Variants in ITGB8 observed in about 807,000 individuals in gnomAD.
ITGB8 encodes the protein integrin beta-8.
ITGB8 carries 30 observed loss-of-function variants against 89.5 expected under a neutral mutation model. The observed-to-expected ratio is 0.34, with a 90% CI of 0.25 to 0.45. The LOEUF (loss-of-function observed/expected upper bound fraction) is 0.45. ITGB8 is among the 20% of genes least tolerant of loss of function. The pLI, the probability that ITGB8 is intolerant of heterozygous loss-of-function variation, is 1.00. For synonymous variants in ITGB8, 335 were observed against 320.4 expected, an observed-to-expected ratio of 1.05 and a Z score of -0.49; for missense variants, 836 against 933.3, an observed-to-expected ratio of 0.90 and a Z score of 1.36.
At chr7:20,409,583 T>A in intron 12 of ITGB8, 32 bp from the exon 13 acceptor site, 1 of 1,495,528 alleles carries the variant, frequency 6.7e-7, no homozygotes, top group South Asian at 1.2e-5. Flanking sequence ...TATTCCAATT[T>A]TTAATCCATT....
intron 3 of ITGB8, among the ~76,000 whole-genome samples, chr7:20,368,974 A>C (rs540461649): frequency 6.6e-6 from 1 of 152,316 alleles, no homozygotes; most frequent in East Asian, 1.9e-4. Flanking sequence ...ATCTTAATCC[A>C]GGCCATCGCC....
chr7:20,341,328 A>T (rs1199757331), intron 1 of ITGB8, among the ~76,000 whole-genome samples: 1 of 152,232 alleles, frequency 6.6e-6, no homozygotes, highest in East Asian at 1.9e-4. Flanking sequence ...GAGAAAAAAA[A>T]GAAACATTCA....
chr7:20,355,719 T>C lies in ITGB8; in HGVS notation c.128-7918T>C, dbSNP rs140675446. The stretch of plus-strand genomic sequence containing the variant: ...TTGTTTGCTACAAGTTTGAAACAAA[T>C]TAAACACTGTGCTGTAGGCAAAGGA... On this transcript the variant is annotated intron_variant, in intron 1 of 13. Coordinates refer to ENST00000222573, the MANE Select transcript of ITGB8 (RefSeq NM_002214.3). Among the ~76,000 whole-genome samples, 19 of 152,322 alleles carry C rather than the reference T, an allele frequency of 1.2e-4. No homozygotes were observed. In the East Asian group the frequency reaches 2.7e-3, roughly 22 times the overall value.
Position 20,412,864 on chromosome 7 carries a change from G to A in ITGB8, c.*2867G>A, listed in dbSNP as rs957317029. On this transcript the variant is annotated 3_prime_UTR_variant, in exon 14 of 14. Transcript: ENST00000222573. Reference sequence around the variant, plus strand: ...AGGTTAAATAATGTATGCAAATAGAGTCTATTTTCAACTAATATGGCCACA... The same window carrying A: ...AGGTTAAATAATGTATGCAAATAGAATCTATTTTCAACTAATATGGCCACA... The A allele has an allele frequency of 2.0e-5, 3 of 152,566 alleles. No homozygotes were observed. Among genetic ancestry groups the A allele is most frequent in the Non-Finnish European group, 4.4e-5 (3 of 68,004 alleles). The allele number at this position is 152,566 out of a possible 1,614,324, so 9.5% of individuals were successfully genotyped here. A position where few individuals can be genotyped will look rare whatever the true frequency, so the allele number is the denominator to read the frequency against.
At position 20,412,336 on chromosome 7, in the gene ITGB8, C is replaced by G. The variant is rs938380206; in HGVS notation, c.*2339C>G. 6.6e-6 allele frequency: 1 copy of G among 152,466 alleles called. No individual in the cohort carries two copies. Among genetic ancestry groups the G allele is most frequent in the African/African-American group, 2.4e-5 (1 of 41,416 alleles). 9.4% of individuals were successfully genotyped at this position (152,466 alleles called of 1,614,324 possible). The stretch of plus-strand genomic sequence containing the variant: ...TAATGTAAAAATTGGGTTTAGTAGC[C>G]TAATACACATAACGTTCTTCTTAAA... On this transcript the variant is annotated 3_prime_UTR_variant, in exon 14 of 14. Transcript: ENST00000222573.
chr7:20,342,027 A>G (rs3807930), intron 1 of ITGB8, among the ~76,000 whole-genome samples: 79,464 of 151,722 alleles, frequency 0.52, 21,522 homozygotes, highest in South Asian at 0.7. Context: ...CCCAGGTGGT[A>G]TGTGATATTT....
intron 4 of ITGB8, chr7:20,380,338 T>C (rs1177795423): frequency 2.0e-5 from 4 of 198,562 alleles, no homozygotes; most frequent in Admixed American, 6.2e-5. Flanking sequence ...TGATAAGAAA[T>C]CACTGCACAT....
chr7:20,344,976 C>T (rs1219592178), intron 1 of ITGB8, among the ~76,000 whole-genome samples: 2 of 152,094 alleles, frequency 1.3e-5, no homozygotes, highest in Admixed American at 1.3e-4. Flanking sequence ...AGACATTTGA[C>T]AAATTAAAGA....
intron 7 of ITGB8, among the ~76,000 whole-genome samples, chr7:20,393,030 T>G (rs1213115841): frequency 6.6e-6 from 1 of 152,220 alleles, no homozygotes; most frequent in African/African-American, 2.4e-5. Flanking sequence ...ATGAGGACAG[T>G]CATCTTAATA....
chr7:20,399,171 C>A, intron 9 of ITGB8, 177 bp downstream of exon 9: 1 of 605,312 alleles, frequency 1.7e-6, no homozygotes, highest in Non-Finnish European at 2.8e-6. Flanking sequence ...TTTAGCTCAG[C>A]TGATTGTTCT....
chr7:20,379,177 A>T lies in ITGB8; in HGVS notation c.515A>T (p.Asp172Val). 1 of 1,612,518 alleles carries T rather than the reference A, an allele frequency of 6.2e-7. No homozygotes were observed. The change falls in exon 4 of 14, where the codon GAT (aspartate) becomes GTT (valine). Residue 172 changes from aspartate (D) to valine (V), a missense_variant. Asp to Val is a radical substitution (Grantham distance 152). Transcript: ENST00000222573. Reference sequence around the variant, plus strand: ...GAAAAATTAAATTCCGTTGGAAACGATTTATCTAGAAAAATGGCATTTTTC... The same window carrying T: ...GAAAAATTAAATTCCGTTGGAAACGTTTTATCTAGAAAAATGGCATTTTTC... Reference protein sequence around the residue: ...NIEKLNSVGNDLSRKMAFFSR... With the variant: ...NIEKLNSVGNVLSRKMAFFSR...
At chr7:20,344,296 T>G (rs1583470267) in intron 1 of ITGB8, among the ~76,000 whole-genome samples, 1 of 36,296 alleles carries the variant, frequency 2.8e-5, no homozygotes, top group Admixed American at 4.0e-4. Context: ...ATTTTTCTCA[T>G]TTTTTTAGGA....
At chr7:20,352,224 G>C (rs1785137864) in intron 1 of ITGB8, 1 of 152,210 alleles carries the variant, frequency 6.6e-6, no homozygotes, top group African/African-American at 2.4e-5. Flanking sequence ...CAAGTTCTAA[G>C]TCTAATGTAG....
intron 1 of ITGB8, among the ~76,000 whole-genome samples, chr7:20,336,095 T>A (rs1784568543): frequency 7.4e-6 from 1 of 135,320 alleles, no homozygotes; most frequent in South Asian, 2.5e-4. Context: ...AAGCTTCGCC[T>A]CCTGGGTTCA....
rs773219112 is a variant in ITGB8, at chr7:20,331,797, G to C, written c.-10G>C. The stretch of plus-strand genomic sequence containing the variant: ...TCAGGCGGCGGGCGCGGGGCGGGCT[G>C]TTTTGCATTATGTGCGGCTCGGCCC... On this transcript the variant is annotated 5_prime_UTR_variant, in exon 1 of 14. Transcript: ENST00000222573. 6.2e-7 allele frequency: 1 copy of C among 1,611,748 alleles called. No homozygotes were observed. Among genetic ancestry groups the C allele is most frequent in the Non-Finnish European group, 8.5e-7 (1 of 1,179,676 alleles).
At chr7:20,350,059 T>C (rs900142885) in intron 1 of ITGB8, among the ~76,000 whole-genome samples, 1 of 152,338 alleles carries the variant, frequency 6.6e-6, no homozygotes, top group South Asian at 2.1e-4. Context: ...GTCTGCATTA[T>C]TGGTAACTGT....
intron 9 of ITGB8, among the ~76,000 whole-genome samples, chr7:20,400,528 CA>C (rs754386679): frequency 2.6e-5 from 4 of 152,034 alleles, no homozygotes; most frequent in Non-Finnish European, 4.4e-5. Context: ...ATATTCCAAC[CA>C]AAAAGCTCAG....
Position 20,331,576 on chromosome 7 carries a change from C to G in ITGB8, c.-231C>G, listed in dbSNP as rs1371460420. 6.4e-6 allele frequency: 3 copies of G among 467,098 alleles called. No individual in the cohort carries two copies. The highest frequency in any genetic ancestry group is 4.1e-5 in the African/African-American group (2 of 49,156). The allele number at this position is 467,098 out of a possible 1,614,324, so 28.9% of individuals were successfully genotyped here. A position where few individuals can be genotyped will look rare whatever the true frequency, so the allele number is the denominator to read the frequency against. ...CGAAGGAGGTGCTTCTCGCGGAGAC[C>G]GCGGGACCCGCCGTGCCGAGCCGGG... On this transcript the variant is annotated 5_prime_UTR_variant, in exon 1 of 14. Transcript: ENST00000222573.
In ITGB8 at chr7:20,381,875, C is replaced by T; in HGVS notation, c.950C>T (p.Ser317Leu). Residue 317 changes from serine to leucine, a missense_variant, in exon 6 of 14, where the codon TCG (serine) becomes TTG (leucine). This residue lies in a region of ITGB8 where 192 missense variants were observed against 267.1 expected (regional missense o/e 0.72). Coordinates refer to ENST00000222573, the MANE Select transcript of ITGB8 (RefSeq NM_002214.3). ...CHLKNNVYVK[S>L]TTMEHPSLGQ... is the part of the protein sequence containing the mutation. The stretch of plus-strand genomic sequence containing the variant: ...CTGAAAAACAACGTCTATGTCAAAT[C>T]GACAACCATGGTAATGCAGCAGTAA... 1 of 1,611,456 alleles carries T rather than the reference C, an allele frequency of 6.2e-7. No homozygotes were observed.
Sources: gnomAD v4.1 joint callset for allele counts (sites outside exome capture counted in the v4.1 genomes callset) on GRCh38, gnomAD v4.1.1 for gene constraint, gnomAD v4.1.1 regional missense constraint, MANE v1.5 for transcripts, NCBI Gene and HGNC (gene_info 2026-07-23, HGNC 2026-07-21) for gene names.